Variants in PARP9 observed in about 807,000 individuals in gnomAD.
PARP9 encodes poly(ADP-ribose) polymerase family member 9.
PARP9 carries 48 observed loss-of-function variants against 68.8 expected under a neutral mutation model. The observed-to-expected ratio is 0.70, with a 90% confidence interval of 0.55 to 0.89. The LOEUF is 0.89. Ranked by LOEUF, PARP9 falls within the 40% of genes least tolerant of loss-of-function variation. The pLI is 0.00. For synonymous variants in PARP9, 309 were observed against 333.8 expected, an observed-to-expected ratio of 0.93 and a Z score of 0.81; for missense variants, 806 against 969.3, an observed-to-expected ratio of 0.83 and a Z score of 2.24.
rs149816838 is a variant in PARP9 at position 122,554,397 on chromosome 3, C to G, written c.885+889G>C. Among the ~76,000 whole-genome samples, 204 of 152,090 alleles carry G rather than the reference C, an allele frequency of 1.3e-3. 3 individuals carry two copies. The highest frequency in any genetic ancestry group is 1.0e-2 in the South Asian group (48 of 4,808). Reference sequence around the variant, plus strand: ...CAGAAATGTTGAGATGGTTTTTCTCCCCAGAGAGATTTTTCAAATAAAGAA... The same window carrying G: ...CAGAAATGTTGAGATGGTTTTTCTCGCCAGAGAGATTTTTCAAATAAAGAA... On this transcript the variant is annotated intron_variant, in intron 4 of 10. Transcript: ENST00000682323.
At chr3:122,557,792 T>C (rs565288297) in intron 3 of PARP9, among the ~76,000 whole-genome samples, 1 of 152,272 alleles carries the variant, frequency 6.6e-6, no homozygotes, top group South Asian at 2.1e-4. Context: ...CTGTATTTCA[T>C]GGTGTCTAAG....
chr3:122,562,086 T>C (rs924266069), intron 1 of PARP9, among the ~76,000 whole-genome samples: 1 of 152,214 alleles, frequency 6.6e-6, no homozygotes, highest in African/African-American at 2.4e-5. Flanking sequence ...ATATGCCCCT[T>C]CCTTCCTCGC....
intron 7 of PARP9, 74 bp from the exon 8 acceptor site, chr3:122,540,926 T>C: frequency 2.0e-6 from 3 of 1,467,716 alleles, no homozygotes; most frequent in Non-Finnish European, 1.8e-6. Flanking sequence ...AGTCTCGCTC[T>C]GTCTCACAAG....
In PARP9 at chr3:122,528,346, G is replaced by A; in HGVS notation, c.*18C>T. ...CACCCAAGGTAAGGCCATACCAGCT[G>A]TTAAAATGATGTAGAGATTAATCAA... On this transcript the variant is annotated 3_prime_UTR_variant, in exon 11 of 11. Coordinates refer to ENST00000682323, the MANE Select transcript of PARP9 (RefSeq NM_001146105.2). The A allele has an allele frequency of 2.5e-6, 4 of 1,602,516 alleles. No homozygotes were observed. The highest frequency in any genetic ancestry group is 1.1e-5 in the South Asian group (1 of 88,980).
At chr3:122,545,653 G>T (rs2078645864) in intron 6 of PARP9, 164 bp from the exon 7 acceptor site, 2 of 635,498 alleles carry the variant, frequency 3.1e-6, no homozygotes. Context: ...CAGAGAAGAG[G>T]ACCTCAGTCT....
At position 122,556,137 on chromosome 3, in the gene PARP9, AG is replaced by A; in HGVS notation, c.50-17del. The A allele has an allele frequency of 1.3e-6, 1 of 779,786 alleles. No individual in the cohort carries two copies. The highest frequency in any genetic ancestry group is 1.8e-6 in the Non-Finnish European group (1 of 551,592). The allele number at this position is 779,786 out of a possible 1,614,324, so 48.3% of individuals were successfully genotyped here. The stretch of plus-strand genomic sequence containing the variant: ...GCACCAGTCTCTGGAAAAGAAGAGA[AG>A]ATTAAAAAAAAAAAAAAAAAAAAAA... On this transcript the variant is annotated splice_polypyrimidine_tract_variant and intron_variant, in intron 3 of 10. Transcript: ENST00000682323.
Position 122,535,023 on chromosome 3 carries a change from C to G in PARP9, c.2080+1145G>C. The G allele has an allele frequency of 6.1e-6, 6 of 979,256 alleles. No homozygotes were observed. The South Asian group carries it at 2.8e-4, about 46-fold the overall frequency. 60.7% of individuals were successfully genotyped at this position (979,256 alleles called of 1,614,324 possible). A position where few individuals can be genotyped will look rare whatever the true frequency, so the allele number is the denominator to read the frequency against. On this transcript the variant is annotated intron_variant, in intron 10 of 10. Transcript: ENST00000682323. The stretch of plus-strand genomic sequence containing the variant: ...AAGATGTGTATAGATGTTGGGTAGG[C>G]AAGTAGCAGAGTCTGTCACAGGACT...
intron 10 of PARP9, chr3:122,535,151 C>T (rs2077551816): frequency 2.0e-6 from 2 of 985,250 alleles, no homozygotes; most frequent in African/African-American, 1.7e-5. Context: ...GAGAAGCCAG[C>T]TTTAGGAGCA....
At chr3:122,555,082 T>C (rs892850223) in intron 4 of PARP9, among the ~76,000 whole-genome samples, 4 of 152,120 alleles carry the variant, frequency 2.6e-5, no homozygotes, top group Non-Finnish European at 5.9e-5. Flanking sequence ...TTGCCTAGGC[T>C]GGCCTCCAAC....
chr3:122,548,136 C>A (rs950310988), intron 6 of PARP9, among the ~76,000 whole-genome samples: 1 of 152,194 alleles, frequency 6.6e-6, no homozygotes, highest in African/African-American at 2.4e-5. Context: ...ATATCAACAG[C>A]TTGAAAGCAG....
chr3:122,555,609 A>C lies in PARP9; in HGVS notation c.562T>G (p.Tyr188Asp). ...ATGTGAGTATTTTTATAGATGACAT[A>C]ATTCAGAATACTTACAATGGCCCTC... ...LQRAIVSILNYVIYKNTHIKT... is the reference protein window; with the variant it reads ...LQRAIVSILNDVIYKNTHIKT... Residue 188 changes from tyrosine (Y) to aspartate (D), a missense_variant, in exon 4 of 11, where the codon TAT (tyrosine) becomes GAT (aspartate). Coordinates refer to ENST00000682323, the MANE Select transcript of PARP9 (RefSeq NM_001146105.2). 1.2e-6 allele frequency: 2 copies of C among 1,614,146 alleles called. No homozygotes were observed. Among genetic ancestry groups the C allele is most frequent in the Non-Finnish European group, 1.7e-6 (2 of 1,180,026 alleles).
chr3:122,535,880 G>C (rs942136811), intron 10 of PARP9: 3 of 1,283,090 alleles, frequency 2.3e-6, no homozygotes, highest in Non-Finnish European at 3.0e-6. Flanking sequence ...TGTTCTCTGC[G>C]GATAGGACAC....
chr3:122,540,802 A>G lies in PARP9; in HGVS notation c.1435T>C (p.Ser479Pro). Reference protein sequence around the residue: ...EKRENGLEARSPAINLMGFNV... With the variant: ...EKRENGLEARPPAINLMGFNV... ...AATCCCATCAGATTGATGGCAGGAGATCTAGCTTCAAGCCCATTTTCTCTT... is the reference window on the plus strand; with the variant it reads ...AATCCCATCAGATTGATGGCAGGAGGTCTAGCTTCAAGCCCATTTTCTCTT... Residue 479 changes from serine (S) to proline (P), a missense_variant, in exon 8 of 11, where the codon TCT becomes CCT. Transcript: ENST00000682323. The G allele has an allele frequency of 1.1e-5, 17 of 1,613,952 alleles. No individual in the cohort carries two copies. Among genetic ancestry groups the G allele is most frequent in the South Asian group, 2.2e-5 (2 of 91,074 alleles).
Position 122,540,541 on chromosome 3 carries a change from C to T in PARP9, c.1696G>A (p.Glu566Lys), listed in dbSNP as rs748410591. 1.2e-6 allele frequency: 2 copies of T among 1,614,096 alleles called. No individual in the cohort carries two copies. Among genetic ancestry groups the T allele is most frequent in the Non-Finnish European group, 8.5e-7 (1 of 1,180,042 alleles). The change falls in exon 8 of 11, where the codon GAA (glutamate) becomes AAA (lysine). Residue 566 changes from glutamate (E) to lysine (K), a missense_variant. Around this residue, in one of 2 missense-constraint regions of PARP9, gnomAD observed 680 missense variants for 858.8 expected, o/e 0.79. Transcript: ENST00000682323. ...ADLIEVVMNI[E>K]DMLCKVQEEM... Reference sequence around the variant, plus strand: ...TCCTGTACTTTACAAAGCATATCTTCAATGTTCATAACCACCTCAATGAGG... The same window carrying T: ...TCCTGTACTTTACAAAGCATATCTTTAATGTTCATAACCACCTCAATGAGG...
chr3:122,547,395 C>T (rs1320510636), intron 6 of PARP9, among the ~76,000 whole-genome samples: 1 of 151,914 alleles, frequency 6.6e-6, no homozygotes, highest in African/African-American at 2.4e-5. Context: ...AAGCCCGGCC[C>T]CCTACGGCAC....
At chr3:122,529,759 A>C (rs2077178565) in intron 10 of PARP9, among the ~76,000 whole-genome samples, 2 of 151,606 alleles carry the variant, frequency 1.3e-5, no homozygotes, top group South Asian at 2.1e-4. Flanking sequence ...GTCCCAAAAA[A>C]AAAAAAAAAA....
chr3:122,537,774 C>G (rs1385549392), intron 8 of PARP9, among the ~76,000 whole-genome samples: 1 of 152,020 alleles, frequency 6.6e-6, no homozygotes, highest in Non-Finnish European at 1.5e-5. Flanking sequence ...TTCCTCCTTT[C>G]TCCTCCTCCC....
chr3:122,532,056 A>G (rs1184047945), intron 10 of PARP9: 1 of 732,910 alleles, frequency 1.4e-6, no homozygotes, highest in Admixed American at 6.3e-5. Context: ...CACAGAGCAG[A>G]CAGGACCCTG....
intron 4 of PARP9, among the ~76,000 whole-genome samples, chr3:122,553,138 G>C (rs1238805726): frequency 1.3e-5 from 2 of 152,130 alleles, no homozygotes; most frequent in Non-Finnish European, 2.9e-5. Flanking sequence ...AACTCCAAAT[G>C]GGACAAAAAG....
Sources: allele counts gnomAD v4.1 joint callset (sites outside exome capture counted in the v4.1 genomes callset), GRCh38; gene constraint gnomAD v4.1.1; regional missense constraint gnomAD v4.1.1; transcripts MANE v1.5; gene names NCBI Gene and HGNC (gene_info 2026-07-23, HGNC 2026-07-21).